Variants in BNC2 observed in about 807,000 individuals in gnomAD.
BNC2 encodes the protein basonuclin zinc finger protein 2.
In BNC2, 20 loss-of-function variants were observed where a neutral mutation model predicts 76.3. That is an observed-to-expected ratio of 0.26 (90% confidence interval 0.18 to 0.38). BNC2 has a LOEUF of 0.38. Among genes scored for constraint, BNC2 ranks in the 10% least tolerant of loss-of-function variants. The pLI, the probability that BNC2 is intolerant of heterozygous loss-of-function variation, is 1.00. For synonymous variants in BNC2, 582 were observed against 514.8 expected, an observed-to-expected ratio of 1.13 and a Z score of -1.77; for missense variants, 1,382 against 1,399.8, an observed-to-expected ratio of 0.99 and a Z score of 0.20.
At chr9:16,779,233 G>A (rs1484730654) in intron 1 of BNC2, among the ~76,000 whole-genome samples, 3 of 150,202 alleles carry the variant, frequency 2.0e-5, no homozygotes, top group Non-Finnish European at 2.9e-5. Flanking sequence ...GAGCCCAGAA[G>A]GTGGAGGCTG....
In BNC2 at chr9:16,870,635, A is replaced by G; in HGVS notation, c.3+11T>C. 1.9e-6 allele frequency: 3 copies of G among 1,610,944 alleles called. No homozygotes were observed. Among genetic ancestry groups the G allele is most frequent in the Non-Finnish European group, 2.5e-6 (3 of 1,178,524 alleles). On this transcript the variant is annotated intron_variant, in intron 1 of 6. Transcript: ENST00000380672. Reference sequence around the variant, plus strand: ...TAGAATAAAAGAGGAAGGAGGGTGGAAACTTCTTACCATCTCGGCATGCTG... The same window carrying G: ...TAGAATAAAAGAGGAAGGAGGGTGGGAACTTCTTACCATCTCGGCATGCTG...
At chr9:16,659,640 T>G (rs375742385) in intron 3 of BNC2, among the ~76,000 whole-genome samples, 130 of 152,132 alleles carry the variant, frequency 8.5e-4, no homozygotes, top group African/African-American at 3.1e-3. Flanking sequence ...CAAGCTTGTT[T>G]CTGCATCAGG....
At chr9:16,531,870 G>A (rs764377180) in intron 5 of BNC2, among the ~76,000 whole-genome samples, 12 of 151,756 alleles carry the variant, frequency 7.9e-5, no homozygotes, top group East Asian at 3.9e-4. Context: ...TAACACCACC[G>A]ATAAGCTGCC....
chr9:16,742,313 A>C (rs769457803), intron 1 of BNC2, among the ~76,000 whole-genome samples: 2 of 152,244 alleles, frequency 1.3e-5, no homozygotes, highest in Non-Finnish European at 2.9e-5. Flanking sequence ...ACAAAGCTGA[A>C]GAGAGCCAAG....
chr9:16,477,041 T>C (rs996734712), intron 5 of BNC2, among the ~76,000 whole-genome samples: 2 of 152,048 alleles, frequency 1.3e-5, no homozygotes, highest in Non-Finnish European at 2.9e-5. Flanking sequence ...ACCATGTTGC[T>C]CCATCAGGGT....
chr9:16,639,815 G>A (rs1258640237), intron 3 of BNC2, among the ~76,000 whole-genome samples: 2 of 152,112 alleles, frequency 1.3e-5, no homozygotes, highest in South Asian at 2.1e-4. Context: ...CTAGCTACTT[G>A]GAAGGCTGAA....
At chr9:16,510,035 T>C (rs1822717081) in intron 5 of BNC2, among the ~76,000 whole-genome samples, 2 of 152,220 alleles carry the variant, frequency 1.3e-5, no homozygotes, top group Non-Finnish European at 2.9e-5. Flanking sequence ...AAAAGACCTG[T>C]TTGTATCTCA....
chr9:16,825,635 G>A (rs1437352300), intron 1 of BNC2, among the ~76,000 whole-genome samples: 1 of 152,014 alleles, frequency 6.6e-6, no homozygotes, highest in African/African-American at 2.4e-5. Context: ...GGAGGGGAGG[G>A]TCACCCAAAC....
chr9:16,469,418 C>T (rs1821771638), intron 5 of BNC2, among the ~76,000 whole-genome samples: 1 of 152,190 alleles, frequency 6.6e-6, no homozygotes, highest in Non-Finnish European at 1.5e-5. Flanking sequence ...TTTGCTTCTT[C>T]CTCATTTTTT....
rs144437159 is a variant in BNC2 at position 16,508,923 on chromosome 9, C to T, written c.669+43607G>A. On this transcript the variant is annotated intron_variant, in intron 5 of 6. Transcript: ENST00000380672. ...GTAACCTCGAACTTCTGAGCCCAAG[C>T]AATCCTCCTGCCTCAGCCTCCCAAG... 3.6e-4 allele frequency among the ~76,000 whole-genome samples: 54 copies of T among 151,860 alleles called. No homozygotes were observed. In the South Asian group the frequency reaches 5.2e-3, roughly 15 times the overall value.
At chr9:16,597,415 T>C (rs558201590) in intron 3 of BNC2, among the ~76,000 whole-genome samples, 10 of 152,272 alleles carry the variant, frequency 6.6e-5, no homozygotes, top group South Asian at 2.1e-4. Flanking sequence ...TTTTAATACA[T>C]TTCAACTTAT....
intron 5 of BNC2, among the ~76,000 whole-genome samples, chr9:16,478,198 C>G (rs1405428466): frequency 4.6e-5 from 7 of 152,150 alleles, no homozygotes; most frequent in Admixed American, 3.9e-4. Context: ...GCTTCCTGGT[C>G]CACGTGGAAG....
intron 3 of BNC2, among the ~76,000 whole-genome samples, chr9:16,716,193 AAATGTAC>A (rs1823990737): frequency 6.6e-6 from 1 of 152,206 alleles, no homozygotes; most frequent in African/African-American, 2.4e-5. Flanking sequence ...ACTTAAGTGA[AAATGTAC>A]TGTAATATGA....
rs182658962 is a variant in BNC2 at position 16,788,367 on chromosome 9, C to T, written c.4-49882G>A. Among the ~76,000 whole-genome samples, 420 of 151,824 alleles carry T rather than the reference C, an allele frequency of 2.8e-3. 1 individual carries two copies. Among genetic ancestry groups the T allele is most frequent in the African/African-American group, 9.5e-3 (393 of 41,426 alleles). On this transcript the variant is annotated intron_variant, in intron 1 of 6. Transcript: ENST00000380672. ...AGGAGATCGAGACCATCCTGGCTAACATGGTGAAACCCCGTCTCTACCAAA... is the reference window on the plus strand; with the variant it reads ...AGGAGATCGAGACCATCCTGGCTAATATGGTGAAACCCCGTCTCTACCAAA...
At chr9:16,633,914 A>G (rs1039662506) in intron 3 of BNC2, among the ~76,000 whole-genome samples, 1 of 152,210 alleles carries the variant, frequency 6.6e-6, no homozygotes, top group Non-Finnish European at 1.5e-5. Context: ...TATTATAATT[A>G]TTTTTGATAA....
intron 3 of BNC2, among the ~76,000 whole-genome samples, chr9:16,617,962 G>T (rs1482161570): frequency 6.6e-6 from 1 of 152,236 alleles, no homozygotes; most frequent in Non-Finnish European, 1.5e-5. Flanking sequence ...CTGCCACTGT[G>T]ACATGCTGTA....
At position 16,729,167 on chromosome 9, in the gene BNC2, C is replaced by T. The variant is rs190721651; in HGVS notation, c.130-1170G>A. ...TATTTATTAGATAGTATTTGTCTGC[C>T]TTATTTATGGAAAAGCAGCACTGAA... On this transcript the variant is annotated intron_variant, in intron 2 of 6. Transcript: ENST00000380672. Among the ~76,000 whole-genome samples the T allele has an allele frequency of 9.8e-4, 149 of 152,200 alleles. 2 individuals carry two copies. Among genetic ancestry groups the T allele is most frequent in the Admixed American group, 8.4e-3 (128 of 15,288 alleles).
intron 1 of BNC2, among the ~76,000 whole-genome samples, chr9:16,847,506 A>C (rs1819018114): frequency 8.3e-6 from 1 of 119,926 alleles, no homozygotes; most frequent in Non-Finnish European, 1.7e-5. Context: ...AAAGGAAAAA[A>C]GAATTGACCA....
intron 1 of BNC2, among the ~76,000 whole-genome samples, chr9:16,849,494 G>T (rs558540299): frequency 1.3e-5 from 2 of 151,288 alleles, no homozygotes; most frequent in East Asian, 3.9e-4. Flanking sequence ...AAGTAGCTGA[G>T]ATTACAGGCG....
Sources: allele counts gnomAD v4.1 joint callset (sites outside exome capture counted in the v4.1 genomes callset), GRCh38; gene constraint gnomAD v4.1.1; transcripts MANE v1.5; gene names NCBI Gene and HGNC (gene_info 2026-07-23, HGNC 2026-07-21).